Variants in PTPRN2 observed in about 807,000 individuals in gnomAD.
The protein encoded by PTPRN2 is receptor-type tyrosine-protein phosphatase N2.
A neutral mutation model predicts 118.8 loss-of-function variants in PTPRN2; 74 were observed. The ratio of observed to expected loss-of-function variants is 0.62; its 90% CI spans 0.52 to 0.76. PTPRN2 has a LOEUF of 0.76. Ranked by LOEUF, PTPRN2 falls within the 30% of genes least tolerant of loss-of-function variation. The pLI is 0.00. For synonymous variants in PTPRN2, 641 were observed against 608.0 expected (o/e 1.05, Z -0.80); for missense variants, 1,481 against 1,394.4 (o/e 1.06, Z -0.99).
At chr7:158,252,578 T>C (rs1238676837) in intron 3 of PTPRN2, among the ~76,000 whole-genome samples, 1 of 152,112 alleles carries the variant, frequency 6.6e-6, no homozygotes, top group Non-Finnish European at 1.5e-5. Context: ...CTCCAAAGGA[T>C]GGCAGGACAG....
chr7:157,608,715 C>G (rs1563257469), intron 15 of PTPRN2, among the ~76,000 whole-genome samples: 1 of 152,272 alleles, frequency 6.6e-6, no homozygotes, highest in East Asian at 1.9e-4. Context: ...AGGCCAACCC[C>G]AGGCTGGAGA....
At chr7:158,326,932 CACACAT>C (rs1370264026) in intron 2 of PTPRN2, among the ~76,000 whole-genome samples, 1 of 151,512 alleles carries the variant, frequency 6.6e-6, no homozygotes, top group Non-Finnish European at 1.5e-5. Context: ...TTCTCACATG[CACACAT>C]ACACATTTTC....
rs535372747 is a variant in PTPRN2, at chr7:158,473,587, C to T, written c.163+16148G>A. 3.9e-5 allele frequency among the ~76,000 whole-genome samples: 6 copies of T among 152,280 alleles called. No individual in the cohort carries two copies. In the South Asian group the frequency reaches 8.3e-4, roughly 21 times the overall value. Reference sequence around the variant, plus strand: ...CAAGAAAAGAGAAGGAAAGGTTTCCCGGCTCTCTGAGCAGCGGGTGCTTCG... The same window carrying T: ...CAAGAAAAGAGAAGGAAAGGTTTCCTGGCTCTCTGAGCAGCGGGTGCTTCG... On this transcript the variant is annotated intron_variant, in intron 2 of 22. Transcript: ENST00000389418.
At chr7:158,275,837 TC>T (rs1798925494) in intron 3 of PTPRN2, among the ~76,000 whole-genome samples, 1 of 152,032 alleles carries the variant, frequency 6.6e-6, no homozygotes, top group Non-Finnish European at 1.5e-5. Flanking sequence ...TAAGGTGGCC[TC>T]CTCCCTCCAT....
intron 3 of PTPRN2, among the ~76,000 whole-genome samples, chr7:158,235,346 G>A (rs747758820): frequency 3.9e-5 from 6 of 152,126 alleles, no homozygotes; most frequent in Non-Finnish European, 7.4e-5. Flanking sequence ...GTCGACCTAA[G>A]TGTCCATCAA....
intron 2 of PTPRN2, among the ~76,000 whole-genome samples, chr7:158,467,893 C>T (rs764131114): frequency 6.6e-6 from 1 of 152,156 alleles, no homozygotes; most frequent in Non-Finnish European, 1.5e-5. Flanking sequence ...GTTGCTGTTG[C>T]GTTTGTTACA....
At chr7:157,688,438 A>T (rs369765918) in intron 12 of PTPRN2, among the ~76,000 whole-genome samples, 33 of 152,304 alleles carry the variant, frequency 2.2e-4, no homozygotes, top group East Asian at 9.7e-4. Context: ...CAGGGGAAGG[A>T]TGCCCCTGAG....
chr7:158,204,394 C>T (rs1165483477), intron 4 of PTPRN2, among the ~76,000 whole-genome samples: 1 of 152,218 alleles, frequency 6.6e-6, no homozygotes, highest in Non-Finnish European at 1.5e-5. Context: ...AACTGCTTTC[C>T]CTATCAGATG....
intron 6 of PTPRN2, among the ~76,000 whole-genome samples, chr7:158,150,780 C>T (rs576012220): frequency 7.9e-5 from 12 of 151,964 alleles, no homozygotes; most frequent in Non-Finnish European, 1.3e-4. Context: ...TGCAGCACCG[C>T]GACCCAGCAC....
intron 12 of PTPRN2, among the ~76,000 whole-genome samples, chr7:157,877,600 C>T (rs1346137643): frequency 1.3e-5 from 2 of 152,184 alleles, no homozygotes; most frequent in East Asian, 3.9e-4. Context: ...TCCGTGCACC[C>T]CGCCCACGTC....
At chr7:158,377,126 C>T (rs1473798852) in intron 2 of PTPRN2, among the ~76,000 whole-genome samples, 4 of 1,074 alleles carry the variant, frequency 3.7e-3, no homozygotes, top group African/African-American at 0.024. Context: ...CAGGGGACTC[C>T]CCCACAGCCC....
At position 158,061,593 on chromosome 7, in the gene PTPRN2, G is replaced by A. The variant is rs146904575; in HGVS notation, c.1723+19705C>T. 1.4e-3 allele frequency among the ~76,000 whole-genome samples: 219 copies of A among 152,314 alleles called. 3 individuals are homozygous for A. The highest frequency in any genetic ancestry group is 2.8e-3 in the African/African-American group (115 of 41,566). On this transcript the variant is annotated intron_variant, in intron 11 of 22. Transcript: ENST00000389418. ...AGTGGTGTCCACAATTACTTGTGTCGTCCGTGAGCACACTGGCTGTGGACG... is the reference window on the plus strand; with the variant it reads ...AGTGGTGTCCACAATTACTTGTGTCATCCGTGAGCACACTGGCTGTGGACG...
chr7:158,418,219 A>C (rs1022507676), intron 2 of PTPRN2, among the ~76,000 whole-genome samples: 1 of 149,734 alleles, frequency 6.7e-6, no homozygotes, highest in South Asian at 2.1e-4. Flanking sequence ...GGTGTACTAC[A>C]TCGAGATGCT....
chr7:158,110,974 T>C, intron 9 of PTPRN2, 59 bp from the exon 10 acceptor site: 1 of 1,431,592 alleles, frequency 7.0e-7, no homozygotes, highest in Non-Finnish European at 9.5e-7. Flanking sequence ...CCTGGAGAAC[T>C]AAAGCCCTGT....
intron 9 of PTPRN2, among the ~76,000 whole-genome samples, chr7:158,127,104 G>T (rs555462443): frequency 6.6e-6 from 1 of 152,180 alleles, no homozygotes; most frequent in Non-Finnish European, 1.5e-5. Context: ...GAGAGGCATC[G>T]GAGAGGTCAA....
chr7:157,659,330 G>A (rs1472346155), intron 13 of PTPRN2, among the ~76,000 whole-genome samples: 5 of 109,362 alleles, frequency 4.6e-5, no homozygotes, highest in African/African-American at 1.8e-4. Flanking sequence ...CCGGGGACTG[G>A]GGGGGGACGA....
At chr7:158,521,780 ACAAT>A in intron 1 of PTPRN2, among the ~76,000 whole-genome samples, 1 of 78,278 alleles carries the variant, frequency 1.3e-5, no homozygotes, top group Non-Finnish European at 2.5e-5. Flanking sequence ...GGTCCACGTC[ACAAT>A]GGTGGACTGT....
intron 12 of PTPRN2, among the ~76,000 whole-genome samples, chr7:157,873,424 T>C (rs1811238245): frequency 6.6e-6 from 1 of 151,456 alleles, no homozygotes; most frequent in South Asian, 2.1e-4. Context: ...GCCAAGGACA[T>C]GTGCTGGGAG....
intron 1 of PTPRN2, among the ~76,000 whole-genome samples, chr7:158,571,974 T>A (rs758477735): frequency 6.6e-6 from 1 of 152,150 alleles, no homozygotes; most frequent in African/African-American, 2.4e-5. Context: ...AATTCTACTA[T>A]AAGATAAGCA....
Sources: allele counts gnomAD v4.1 joint callset (sites outside exome capture counted in the v4.1 genomes callset), GRCh38; gene constraint gnomAD v4.1.1; transcripts MANE v1.5; gene names NCBI Gene and HGNC (gene_info 2026-07-23, HGNC 2026-07-21).